The following TEX22 variants were observed in gnomAD, a reference collection of about 807,000 sequenced individuals.
The protein encoded by TEX22 is testis-expressed protein 22.
In TEX22, 16 loss-of-function variants were observed where a neutral mutation model predicts 11.3. The ratio of observed to expected loss-of-function variants is 1.42; its 90% CI spans 0.96 to 2.15. The LOEUF (loss-of-function observed/expected upper bound fraction) is 2.15. Among genes scored for constraint, TEX22 ranks in the 30% most tolerant of loss-of-function variants. The probability of loss-of-function intolerance (pLI) is 0.00; values close to 1 mark genes in which losing one functional copy is unlikely to be tolerated. For synonymous variants in TEX22, 97 were observed against 92.3 expected, an observed-to-expected ratio of 1.05 and a Z score of -0.29; for missense variants, 220 against 208.6, an observed-to-expected ratio of 1.05 and a Z score of -0.34.
intron 2 of TEX22, among the ~76,000 whole-genome samples, chr14:105,408,270 T>G (rs1349215332): frequency 2.0e-5 from 3 of 149,010 alleles, no homozygotes; most frequent in Non-Finnish European, 4.5e-5. Flanking sequence ...TGAAACGGAG[T>G]CTCACTCTAT....
intron 1 of TEX22, 40 bp downstream of exon 1, chr14:105,398,675 C>T (rs1393710700): frequency 6.5e-6 from 1 of 152,708 alleles, no homozygotes; most frequent in Non-Finnish European, 1.5e-5. Context: ...CACGTACCCC[C>T]CACCTCCGAC....
intron 2 of TEX22, among the ~76,000 whole-genome samples, chr14:105,405,196 A>G (rs904106332): frequency 2.6e-5 from 4 of 152,142 alleles, no homozygotes; most frequent in Non-Finnish European, 4.4e-5. Flanking sequence ...AGGCTGAGGC[A>G]GGAGGATCAC....
intron 2 of TEX22, among the ~76,000 whole-genome samples, chr14:105,408,951 C>T: frequency 1.4e-5 from 2 of 147,526 alleles, no homozygotes; most frequent in East Asian, 4.2e-4. Context: ...CCCCCTCCTC[C>T]CCCTCCCCCT....
rs587750705 is a variant in TEX22 at position 105,398,979 on chromosome 14, G to T, written c.-39-323G>T. On this transcript the variant is annotated intron_variant, in intron 1 of 3. Coordinates refer to ENST00000451127, the MANE Select transcript of TEX22 (RefSeq NM_001195082.2). ...TGAGAGCGTGCCCGCAGTGCTGGCT[G>T]AGGGCTGATGCCCCTGGAACGTTTG... is the stretch of plus-strand genomic sequence containing the variant. Among the ~76,000 whole-genome samples, 9 of 152,382 alleles carry T rather than the reference G, an allele frequency of 5.9e-5. No homozygotes were observed. In the South Asian group the frequency reaches 1.4e-3, roughly 25 times the overall value.
chr14:105,411,379 G>A lies in TEX22; in HGVS notation c.162G>A (p.Pro54=). Residue 54 remains proline, a synonymous_variant, in exon 3 of 4, where the codon CCG becomes CCA. Transcript: ENST00000451127. ...GCCCTGTCCCCCAGGTGTGCGAGCCGCCGGAACGCAGGCGCCCGGGCCGCC... is the reference window on the plus strand; with the variant it reads ...GCCCTGTCCCCCAGGTGTGCGAGCCACCGGAACGCAGGCGCCCGGGCCGCC... ...GLQTQDWVCE[P]PERRRPGRRW... 7.5e-7 allele frequency: 1 copy of A among 1,326,420 alleles called. No individual in the cohort carries two copies. Among genetic ancestry groups the A allele is most frequent in the South Asian group, 1.9e-5 (1 of 52,060 alleles). 82.2% of individuals were successfully genotyped at this position (1,326,420 alleles called of 1,614,324 possible). A position where few individuals can be genotyped will look rare whatever the true frequency, so the allele number is the denominator to read the frequency against.
rs587760683 is a variant in TEX22 at position 105,405,195 on chromosome 14, C to T, written c.150+5705C>T. On this transcript the variant is annotated intron_variant, in intron 2 of 3. Coordinates refer to ENST00000451127, the MANE Select transcript of TEX22 (RefSeq NM_001195082.2). The stretch of plus-strand genomic sequence containing the variant: ...AGTGCCAGCTACGTGGAGGCTGAGG[C>T]AGGAGGATCACTTGTGTCTGTGAGG... Among the ~76,000 whole-genome samples the T allele has an allele frequency of 1.7e-3, 254 of 152,018 alleles. 1 individual carries two copies. The highest frequency in any genetic ancestry group is 5.8e-3 in the African/African-American group (240 of 41,454).
intron 2 of TEX22, among the ~76,000 whole-genome samples, chr14:105,399,758 G>T (rs1555418169): frequency 6.6e-6 from 1 of 152,216 alleles, no homozygotes; most frequent in African/African-American, 2.4e-5. Context: ...AAGGAGGCAA[G>T]GCAACACACT....
chr14:105,412,633 A>C lies in TEX22; in HGVS notation c.*800A>C, dbSNP rs2081701618. On this transcript the variant is annotated 3_prime_UTR_variant, in exon 4 of 4. Coordinates refer to ENST00000451127, the MANE Select transcript of TEX22 (RefSeq NM_001195082.2). This position sits in a 1 kb window ranked among gnomAD's most constrained non-coding sequence, Gnocchi z 5.8. ...TCCCAGCTGCATTTTGGGGACACTA[A>C]GTTGCAGGGGGACTGGATTGGGAGG... 7.2e-6 allele frequency: 1 copy of C among 139,238 alleles called. No individual in the cohort carries two copies. Among genetic ancestry groups the C allele is most frequent in the Non-Finnish European group, 1.5e-5 (1 of 64,746 alleles). 8.6% of individuals were successfully genotyped at this position (139,238 alleles called of 1,614,324 possible).
chr14:105,409,527 G>A (rs147626973), intron 2 of TEX22, among the ~76,000 whole-genome samples: 28 of 144,038 alleles, frequency 1.9e-4, no homozygotes, highest in African/African-American at 7.5e-4. Flanking sequence ...TTGAGACAGA[G>A]TCTTGCACTG....
chr14:105,409,059 T>C (rs1356340833), intron 2 of TEX22, among the ~76,000 whole-genome samples: 2 of 151,540 alleles, frequency 1.3e-5, no homozygotes, highest in African/African-American at 2.4e-5. Context: ...CAGACCCCTG[T>C]ACATTGGGTC....
rs587633201 is a variant in TEX22, at chr14:105,411,250, C to T, written c.151-118C>T. The T allele has an allele frequency of 8.2e-4, 915 of 1,117,928 alleles. 5 individuals carry two copies. The African/African-American group carries it at 0.01, about 13-fold the overall frequency. 69.3% of individuals were successfully genotyped at this position (1,117,928 alleles called of 1,614,324 possible). On this transcript the variant is annotated intron_variant, in intron 2 of 3. Coordinates refer to ENST00000451127, the MANE Select transcript of TEX22 (RefSeq NM_001195082.2). ...GGCGCTGGAGCAGCGGGAGGCTGAGCAGACGGCGCTTTAGAAAGCGCCCGG... is the reference window on the plus strand; with the variant it reads ...GGCGCTGGAGCAGCGGGAGGCTGAGTAGACGGCGCTTTAGAAAGCGCCCGG...
At chr14:105,402,291 TG>T (rs1223143726) in intron 2 of TEX22, among the ~76,000 whole-genome samples, 5 of 152,238 alleles carry the variant, frequency 3.3e-5, no homozygotes, top group Non-Finnish European at 7.3e-5. Context: ...GCATCTAATA[TG>T]TTACCTACTT....
At chr14:105,402,543 T>G (rs182424339) in intron 2 of TEX22, among the ~76,000 whole-genome samples, 53 of 150,892 alleles carry the variant, frequency 3.5e-4, no homozygotes, top group Non-Finnish European at 5.1e-4. Context: ...TCACAAGGTC[T>G]GGAGATCAAG....
At chr14:105,406,019 C>T (rs940870498) in intron 2 of TEX22, among the ~76,000 whole-genome samples, 5 of 152,164 alleles carry the variant, frequency 3.3e-5, no homozygotes, top group Admixed American at 3.3e-4. Context: ...TTGAGCATGG[C>T]ATTTCAGAGT....
At chr14:105,402,677 AC>A (rs1374761322) in intron 2 of TEX22, among the ~76,000 whole-genome samples, 4 of 149,558 alleles carry the variant, frequency 2.7e-5, no homozygotes, top group East Asian at 2.0e-4. Flanking sequence ...AATGGCGTGA[AC>A]CCGGGAGGCG....
chr14:105,401,743 A>C (rs1461782683), intron 2 of TEX22, among the ~76,000 whole-genome samples: 1 of 151,984 alleles, frequency 6.6e-6, no homozygotes, highest in East Asian at 2.0e-4. Context: ...TTTAAAAAAA[A>C]CCGAAGTATA....
At position 105,399,438 on chromosome 14, in the gene TEX22, G is replaced by A; in HGVS notation, c.98G>A (p.Gly33Asp). 4 of 1,535,800 alleles carry A rather than the reference G, an allele frequency of 2.6e-6. No individual in the cohort carries two copies. The highest frequency in any genetic ancestry group is 1.2e-5 in the South Asian group (1 of 84,068). Residue 33 changes from glycine (G) to aspartate (D), a missense_variant, in exon 2 of 4, where the codon GGC becomes GAC. Transcript: ENST00000451127. ...CCACTGGGCCTGATAGCAGCCTGGG[G>A]CCAGCCCAGTATCCAGAGCAGCGTT... ...RPPLGLIAAW[G>D]QPSIQSSVQQ...
chr14:105,410,732 A>C (rs1303343584), intron 2 of TEX22, among the ~76,000 whole-genome samples: 1 of 152,122 alleles, frequency 6.6e-6, no homozygotes, highest in East Asian at 1.9e-4. Context: ...CAGGCTGAGC[A>C]GAGTCTGGAG....
intron 2 of TEX22, among the ~76,000 whole-genome samples, chr14:105,402,703 A>C (rs148121493): frequency 0.059 from 8,811 of 150,270 alleles, 348 homozygotes; most frequent in East Asian, 0.14. Flanking sequence ...TTGCAGTGAG[A>C]CGAGATTGCG....
Sources: gnomAD v4.1 joint callset for allele counts (sites outside exome capture counted in the v4.1 genomes callset) on GRCh38, gnomAD v4.1.1 for gene constraint, Gnocchi (gnomAD v3.1) non-coding constraint, MANE v1.5 for transcripts, NCBI Gene and HGNC (gene_info 2026-07-23, HGNC 2026-07-21) for gene names.